CFAP20DC: variants seen among roughly 807,000 people sequenced by gnomAD.
CFAP20DC encodes protein CFAP20DC.
In CFAP20DC, 84 loss-of-function variants were observed where a neutral mutation model predicts 101.7. The ratio of observed to expected loss-of-function variants is 0.83; its 90% CI spans 0.69 to 0.99. The LOEUF is 0.99. Ranked by LOEUF, CFAP20DC falls within the 50% of genes least tolerant of loss-of-function variation. The pLI, the probability that CFAP20DC is intolerant of heterozygous loss-of-function variation, is 0.00. For synonymous variants in CFAP20DC, 359 were observed against 351.2 expected (o/e 1.02, Z -0.25); for missense variants, 1,007 against 970.3 (o/e 1.04, Z -0.50).
intron 4 of CFAP20DC, among the ~76,000 whole-genome samples, chr3:59,030,973 G>A (rs906324669): frequency 5.3e-5 from 8 of 151,974 alleles, no homozygotes; most frequent in African/African-American, 9.7e-5. Context: ...ACAGGCGCCC[G>A]CCACCACTCC....
At chr3:58,757,574 T>C (rs73837950) in intron 15 of CFAP20DC, among the ~76,000 whole-genome samples, 3,707 of 152,048 alleles carry the variant, frequency 0.024, 158 homozygotes, top group African/African-American at 0.084. Context: ...TGTCTCTGTA[T>C]TTTGGGTCAT....
chr3:58,905,523 T>A (rs2083505601), intron 6 of CFAP20DC, among the ~76,000 whole-genome samples: 2 of 152,184 alleles, frequency 1.3e-5, no homozygotes, highest in Admixed American at 6.5e-5. Context: ...GAAAACTGAT[T>A]AATTGCTTGA....
Position 58,853,603 on chromosome 3 carries a change from G to A in CFAP20DC, c.1594-4194C>T, listed in dbSNP as rs989540935. On this transcript the variant is annotated intron_variant, in intron 12 of 16. Transcript: ENST00000482387. ...ATCCTCAATAAAATACTGGCAAACC[G>A]AATCCAGCAGCACATCAAAATGCTT... is the stretch of plus-strand genomic sequence containing the variant. 2.4e-3 allele frequency among the ~76,000 whole-genome samples: 358 copies of A among 151,972 alleles called. 5 individuals are homozygous for A. The highest frequency in any genetic ancestry group is 8.2e-3 in the African/African-American group (338 of 41,438).
At chr3:59,019,522 C>T (rs952151132) in intron 4 of CFAP20DC, among the ~76,000 whole-genome samples, 2 of 151,740 alleles carry the variant, frequency 1.3e-5, no homozygotes, top group African/African-American at 4.8e-5. Flanking sequence ...CCTAAATGAC[C>T]CTGCAGGACA....
At chr3:59,008,497 G>A (rs1240171513) in intron 4 of CFAP20DC, among the ~76,000 whole-genome samples, 1 of 152,130 alleles carries the variant, frequency 6.6e-6, no homozygotes, top group Non-Finnish European at 1.5e-5. Flanking sequence ...AAGAAAATGT[G>A]GCACATACAC....
At chr3:58,763,184 G>A (rs1329394109) in intron 15 of CFAP20DC, among the ~76,000 whole-genome samples, 1 of 152,160 alleles carries the variant, frequency 6.6e-6, no homozygotes, top group Non-Finnish European at 1.5e-5. Flanking sequence ...CCAATCAGAC[G>A]TAGATTTGGT....
downstream of CFAP20DC, among the ~76,000 whole-genome samples, chr3:58,739,033 G>A (rs925070757): frequency 2.0e-5 from 3 of 152,128 alleles, no homozygotes; most frequent in African/African-American, 4.8e-5. Context: ...GGATCAAGAT[G>A]TTATTGAAAT....
Position 58,722,250 on chromosome 3 carries a change from C to A in CFAP20DC, c.198-4622G>T, listed in dbSNP as rs1023521701. Among the ~76,000 whole-genome samples, 1 of 152,164 alleles carries A rather than the reference C, an allele frequency of 6.6e-6. No individual in the cohort carries two copies. The highest frequency in any genetic ancestry group is 6.5e-5 in the Admixed American group (1 of 15,280). On this transcript the variant is annotated intron_variant, in intron 3 of 3. Coordinates refer to the CFAP20DC transcript ENST00000486145. This position sits in a 1 kb window ranked among gnomAD's most constrained non-coding sequence, Gnocchi z 4.5. ...ATTCCAGCCACCAAGTGTTCAGTCACCCCCACCCCTTTGAGCCTTTCCAGC... is the reference window on the plus strand; with the variant it reads ...ATTCCAGCCACCAAGTGTTCAGTCAACCCCACCCCTTTGAGCCTTTCCAGC...
chr3:58,907,340 C>A (rs988326738), intron 6 of CFAP20DC, among the ~76,000 whole-genome samples: 1 of 152,158 alleles, frequency 6.6e-6, no homozygotes, highest in African/African-American at 2.4e-5. Flanking sequence ...TCTCCTCTTA[C>A]TGCTAAGTAA....
chr3:58,862,403 C>A (rs1055023605), intron 12 of CFAP20DC: 1 of 985,282 alleles, frequency 1.0e-6, no homozygotes, highest in East Asian at 1.1e-4. Flanking sequence ...AGCAGCAACA[C>A]TTAAAATGCT....
At position 59,015,188 on chromosome 3, in the gene CFAP20DC, G is replaced by GTTA. The variant is rs1346919199; in HGVS notation, c.278+24368_278+24369insTAA. Among the ~76,000 whole-genome samples the GTTA allele has an allele frequency of 6.6e-6, 1 of 152,060 alleles. No individual in the cohort carries two copies. Among genetic ancestry groups the GTTA allele is most frequent in the African/African-American group, 2.4e-5 (1 of 41,424 alleles). ...CCTGCAGGTGCCTTGGGTGTCTAAA[G>GTTA]ATGTCTGTAGTTAGCAGCCAGGATG... On this transcript the variant is annotated intron_variant, in intron 4 of 16. Transcript: ENST00000482387. This position sits in a 1 kb window ranked among gnomAD's most constrained non-coding sequence, Gnocchi z 5.4.
chr3:58,848,073 C>G (rs62252886), intron 13 of CFAP20DC, among the ~76,000 whole-genome samples: 175 of 118,818 alleles, frequency 1.5e-3, no homozygotes, highest in South Asian at 2.1e-3. Flanking sequence ...TGCTAGATGA[C>G]GAGTTAGTGG....
chr3:58,828,637 G>A (rs773972360), intron 14 of CFAP20DC, among the ~76,000 whole-genome samples: 1 of 152,048 alleles, frequency 6.6e-6, no homozygotes, highest in Non-Finnish European at 1.5e-5. Flanking sequence ...ATAGAAACTG[G>A]GGACTGCTAA....
At chr3:58,995,415 A>T (rs1454123736) in intron 4 of CFAP20DC, among the ~76,000 whole-genome samples, 3 of 152,054 alleles carry the variant, frequency 2.0e-5, no homozygotes, top group Admixed American at 6.5e-5. Context: ...ATTTTAAAAA[A>T]TTTATTCAAA....
intron 7 of CFAP20DC, among the ~76,000 whole-genome samples, chr3:58,872,096 AG>A (rs986560863): frequency 1.3e-5 from 2 of 152,178 alleles, no homozygotes; most frequent in Admixed American, 1.3e-4. Context: ...CTAACAGGGC[AG>A]GTGAGGGTGA....
At chr3:58,853,788 T>G in intron 12 of CFAP20DC, among the ~76,000 whole-genome samples, 1 of 152,182 alleles carries the variant, frequency 6.6e-6, no homozygotes, top group Admixed American at 6.5e-5. Flanking sequence ...TCAACAACGC[T>G]TCATGCTAAG....
chr3:58,768,764 C>T (rs2070568219), intron 15 of CFAP20DC, among the ~76,000 whole-genome samples: 1 of 152,224 alleles, frequency 6.6e-6, no homozygotes. Flanking sequence ...TCCCCTCAGG[C>T]TTCACATGAA....
intron 4 of CFAP20DC, among the ~76,000 whole-genome samples, chr3:58,977,728 T>TA (rs57717110): frequency 2.6e-3 from 303 of 116,458 alleles, no homozygotes; most frequent in Middle Eastern, 0.015. Context: ...AGTGGCGAAG[T>TA]AAAAAAAAAA....
chr3:58,923,803 ATTAC>A (rs2085653528), intron 5 of CFAP20DC, among the ~76,000 whole-genome samples: 1 of 152,112 alleles, frequency 6.6e-6, no homozygotes, highest in Non-Finnish European at 1.5e-5. Flanking sequence ...AATTTCAAAT[ATTAC>A]TTCTATAAAT....
Sources: allele counts gnomAD v4.1 joint callset (sites outside exome capture counted in the v4.1 genomes callset), GRCh38; gene constraint gnomAD v4.1.1; non-coding constraint Gnocchi (gnomAD v3.1); transcripts MANE v1.5; gene names NCBI Gene and HGNC (gene_info 2026-07-23, HGNC 2026-07-21).